CDH12: variants seen among roughly 807,000 people sequenced by gnomAD.
CDH12 encodes the protein cadherin-12.
Under a neutral mutation model 74.1 loss-of-function variants are expected in CDH12, and 41 were observed. The observed-to-expected ratio is 0.55, with a 90% confidence interval of 0.43 to 0.72. CDH12 has a LOEUF of 0.72. Ranked by LOEUF, CDH12 falls within the 30% of genes least tolerant of loss-of-function variation. CDH12 has a pLI of 0.00. For missense variants in CDH12, 945 were observed against 977.2 expected, an observed-to-expected ratio of 0.97 and a Z score of 0.44; for synonymous variants, 399 against 355.0, an observed-to-expected ratio of 1.12 and a Z score of -1.39.
At chr5:21,804,734 G>A (rs1747339590) in intron 9 of CDH12, among the ~76,000 whole-genome samples, 1 of 150,742 alleles carries the variant, frequency 6.6e-6, no homozygotes, top group Non-Finnish European at 1.5e-5. Flanking sequence ...CATGCATCCT[G>A]TAAGGATGGA....
Position 22,362,238 on chromosome 5 carries a change from AAAAC to A in CDH12, c.-333+43015_-333+43018del, listed in dbSNP as rs1481200076. ...AGAACTCAAACAAATTTACAAGAAA[AAAAC>A]AAACAACCCCATCAAAAAGTGGGTG... is the stretch of plus-strand genomic sequence containing the variant. On this transcript the variant is annotated intron_variant, in intron 3 of 14. Transcript: ENST00000382254. Among the ~76,000 whole-genome samples the A allele has an allele frequency of 1.1e-4, 17 of 152,190 alleles. No individual in the cohort carries two copies. In the East Asian group the frequency reaches 1.7e-3, roughly 16 times the overall value.
chr5:22,077,178 C>T (rs1452257625), intron 5 of CDH12, among the ~76,000 whole-genome samples: 2 of 151,854 alleles, frequency 1.3e-5, no homozygotes, highest in African/African-American at 2.4e-5. Context: ...TAGATAGGTG[C>T]CCTGCAAAAA....
At chr5:22,200,829 T>C (rs1364197977) in intron 4 of CDH12, among the ~76,000 whole-genome samples, 1 of 152,222 alleles carries the variant, frequency 6.6e-6, no homozygotes, top group African/African-American at 2.4e-5. Context: ...CATAAGTGCC[T>C]GTCACTGGGA....
intron 1 of CDH12, among the ~76,000 whole-genome samples, chr5:22,696,319 C>G (rs1742359370): frequency 7.2e-6 from 1 of 138,202 alleles, no homozygotes; most frequent in South Asian, 2.2e-4. Context: ...TACAGTGAGC[C>G]GAGATGGCGC....
intron 1 of CDH12, among the ~76,000 whole-genome samples, chr5:22,517,589 T>C (rs1261427949): frequency 6.6e-6 from 1 of 152,206 alleles, no homozygotes; most frequent in South Asian, 2.1e-4. Flanking sequence ...TCTTTTAAAC[T>C]ACAAACTACA....
At chr5:21,784,243 AAGT>A (rs1746075815) in intron 10 of CDH12, among the ~76,000 whole-genome samples, 5 of 152,160 alleles carry the variant, frequency 3.3e-5, no homozygotes, top group African/African-American at 1.2e-4. Context: ...TTAAATCTTT[AAGT>A]AACAGTAGAT....
intron 3 of CDH12, among the ~76,000 whole-genome samples, chr5:22,375,439 A>G (rs1369297683): frequency 6.6e-6 from 1 of 152,168 alleles, no homozygotes; most frequent in Non-Finnish European, 1.5e-5. Context: ...CTGTAACACA[A>G]ATAGACATAT....
chr5:22,439,813 T>G (rs1744553353), intron 2 of CDH12, among the ~76,000 whole-genome samples: 1 of 152,124 alleles, frequency 6.6e-6, no homozygotes, highest in Non-Finnish European at 1.5e-5. Context: ...AAATATACCC[T>G]GAATTAGGCA....
intron 4 of CDH12, among the ~76,000 whole-genome samples, chr5:22,190,236 G>GA (rs760378767): frequency 7.2e-5 from 11 of 152,038 alleles, no homozygotes; most frequent in East Asian, 5.8e-4. Flanking sequence ...TTCTCCTCTA[G>GA]AAAAAATAAA....
chr5:21,802,515 C>A, intron 9 of CDH12, 95 bp from the exon 10 acceptor site: 1 of 973,614 alleles, frequency 1.0e-6, no homozygotes. Flanking sequence ...AAGTTATTAT[C>A]AATTATACTG....
chr5:22,037,079 C>G (rs1739244269), intron 5 of CDH12, among the ~76,000 whole-genome samples: 1 of 152,064 alleles, frequency 6.6e-6, no homozygotes, highest in South Asian at 2.1e-4. Flanking sequence ...ATGAATAAAT[C>G]AAACATTAAC....
At chr5:22,041,844 G>T (rs192150715) in intron 5 of CDH12, among the ~76,000 whole-genome samples, 95 of 152,252 alleles carry the variant, frequency 6.2e-4, no homozygotes, top group African/African-American at 2.0e-3. Flanking sequence ...TTACTTAGCA[G>T]CAGAATACAG....
At chr5:22,675,205 G>A (rs531740627) in intron 1 of CDH12, among the ~76,000 whole-genome samples, 1 of 152,216 alleles carries the variant, frequency 6.6e-6, no homozygotes, top group South Asian at 2.1e-4. Context: ...TTCCTGTGCT[G>A]GGCGCAGTCT....
At chr5:22,327,546 T>C (rs1739174619) in intron 3 of CDH12, among the ~76,000 whole-genome samples, 1 of 151,922 alleles carries the variant, frequency 6.6e-6, no homozygotes, top group South Asian at 2.1e-4. Flanking sequence ...AAAATAAACT[T>C]GATGCCTTCT....
intron 3 of CDH12, among the ~76,000 whole-genome samples, chr5:22,352,096 T>C (rs184494638): frequency 2.0e-5 from 3 of 152,122 alleles, no homozygotes; most frequent in Admixed American, 2.0e-4. Flanking sequence ...TAAAGCTCTA[T>C]TAAGTGTTTG....
intron 2 of CDH12, among the ~76,000 whole-genome samples, chr5:22,469,327 C>A (rs887070007): frequency 6.6e-6 from 1 of 152,116 alleles, no homozygotes; most frequent in Non-Finnish European, 1.5e-5. Context: ...GCTAGAAGTC[C>A]AAAAGCAAAG....
At chr5:21,833,664 A>G (rs1749366678) in intron 8 of CDH12, among the ~76,000 whole-genome samples, 1 of 124,234 alleles carries the variant, frequency 8.0e-6, no homozygotes, top group African/African-American at 3.0e-5. Context: ...TGATTCAAGG[A>G]ATCAGCACTT....
rs369882761 is a variant in CDH12 at position 21,824,823 on chromosome 5, C to G, written c.815-7691G>C. The stretch of plus-strand genomic sequence containing the variant: ...AGAAATCCTCTGCACATAATTTTCC[C>G]TCTACTTCACACTCTACAAAACATG... On this transcript the variant is annotated intron_variant, in intron 8 of 14. Coordinates refer to ENST00000382254, the MANE Select transcript of CDH12 (RefSeq NM_004061.5). Among the ~76,000 whole-genome samples the G allele has an allele frequency of 1.2e-3, 175 of 152,164 alleles. 2 individuals carry two copies. In the South Asian group the frequency reaches 0.034, roughly 29 times the overall value.
intron 5 of CDH12, among the ~76,000 whole-genome samples, chr5:22,027,524 C>A (rs186429136): frequency 4.4e-4 from 67 of 152,270 alleles, no homozygotes; most frequent in Admixed American, 2.7e-3. Context: ...GATTCAACTT[C>A]TTCCTGGTTT....
Sources: gnomAD v4.1 joint callset for allele counts (sites outside exome capture counted in the v4.1 genomes callset) on GRCh38, gnomAD v4.1.1 for gene constraint, MANE v1.5 for transcripts, NCBI Gene and HGNC (gene_info 2026-07-23, HGNC 2026-07-21) for gene names.